The following OR14A2 variants were observed in gnomAD, a reference collection of about 807,000 sequenced individuals.
OR14A2 encodes olfactory receptor 14A2.
For missense variants in OR14A2, 237 were observed against 152.9 expected, an observed-to-expected ratio of 1.55 and a Z score of -2.90; for synonymous variants, 114 against 58.6, an observed-to-expected ratio of 1.95 and a Z score of -4.32.
the OR14A2 span, among the ~76,000 whole-genome samples, chr1:247,736,850 A>G: frequency 1.7e-4 from 26 of 152,322 alleles, no homozygotes; most frequent in East Asian, 3.3e-3. Flanking sequence ...CAGGCTCTCC[A>G]TTATTGCTCT....
At chr1:247,744,730 A>G in the OR14A2 span, among the ~76,000 whole-genome samples, 1 of 152,170 alleles carries the variant, frequency 6.6e-6, no homozygotes. The surrounding 1 kb of genome is among the most constrained non-coding windows in gnomAD (Gnocchi z 4.3). Flanking sequence ...TAAGGGGTAT[A>G]CATGCAGTTC....
the OR14A2 span, among the ~76,000 whole-genome samples, chr1:247,737,549 G>A: frequency 6.6e-6 from 1 of 151,974 alleles, no homozygotes; most frequent in Non-Finnish European, 1.5e-5. Flanking sequence ...TGACCTGCTG[G>A]GGAGAATAAA....
the OR14A2 span, among the ~76,000 whole-genome samples, chr1:247,731,138 C>T: frequency 1.3e-5 from 2 of 151,904 alleles, no homozygotes; most frequent in African/African-American, 4.8e-5. Flanking sequence ...TTCTTACAGG[C>T]AGTTTTGCTG....
At chr1:247,739,575 G>A in the OR14A2 span, 1 of 755,924 alleles carries the variant, frequency 1.3e-6, no homozygotes, top group Non-Finnish European at 2.5e-6. Context: ...GTTGAAGATG[G>A]GAAGTAACTT....
chr1:247,724,054 C>A, upstream of OR14A2: 2 of 680,978 alleles, frequency 2.9e-6, no homozygotes, highest in South Asian at 3.3e-5. Flanking sequence ...ACTAGATTCT[C>A]TTCAGTGCCT....
the OR14A2 span, among the ~76,000 whole-genome samples, chr1:247,735,233 G>A: frequency 4.5e-4 from 69 of 152,316 alleles, no homozygotes; most frequent in African/African-American, 1.6e-3. Context: ...CAAGGGAAGT[G>A]TGATGGCTCA....
At chr1:247,739,397 G>A in the OR14A2 span, 2 of 780,758 alleles carry the variant, frequency 2.6e-6, no homozygotes, top group East Asian at 2.4e-5. Context: ...TAAAGCCAGG[G>A]TCTGATGCAC....
At chr1:247,737,131 C>T in the OR14A2 span, among the ~76,000 whole-genome samples, 2 of 152,024 alleles carry the variant, frequency 1.3e-5, no homozygotes, top group Non-Finnish European at 2.9e-5. Flanking sequence ...TAATTTAGTT[C>T]TCAGAAAATC....
At chr1:247,723,049 A>G, downstream of OR14A2, 2 of 626,602 alleles carry the variant, frequency 3.2e-6, no homozygotes, top group South Asian at 3.9e-5. Flanking sequence ...AAATAAGGAA[A>G]GTTTCTTGTG....
chr1:247,740,461 G>A, the OR14A2 span, among the ~76,000 whole-genome samples: 1 of 152,170 alleles, frequency 6.6e-6, no homozygotes, highest in Non-Finnish European at 1.5e-5. Flanking sequence ...ACTTAGGAAG[G>A]TGATTTTCTC....
chr1:247,739,396 G>T, the OR14A2 span: 7 of 780,556 alleles, frequency 9.0e-6, no homozygotes, highest in Non-Finnish European at 1.7e-5. Context: ...TTAAAGCCAG[G>T]GTCTGATGCA....
chr1:247,728,225 A>G (rs1660430203), upstream of OR14A2, among the ~76,000 whole-genome samples: 2 of 152,224 alleles, frequency 1.3e-5, no homozygotes, highest in South Asian at 2.1e-4. Flanking sequence ...CTTATCCACT[A>G]TGATCAAGTG....
the OR14A2 span, among the ~76,000 whole-genome samples, chr1:247,729,353 C>T: frequency 6.6e-6 from 1 of 152,010 alleles, no homozygotes; most frequent in Non-Finnish European, 1.5e-5. Context: ...CAAGTATTCC[C>T]TTAATTCTAC....
At chr1:247,741,960 A>G in the OR14A2 span, among the ~76,000 whole-genome samples, 1 of 152,176 alleles carries the variant, frequency 6.6e-6, no homozygotes, top group African/African-American at 2.4e-5. Context: ...TGTTTTCCAA[A>G]ATTTTACCTT....
chr1:247,733,922 C>T, the OR14A2 span, among the ~76,000 whole-genome samples: 1 of 152,132 alleles, frequency 6.6e-6, no homozygotes, highest in Non-Finnish European at 1.5e-5. Context: ...ATCTACAAAA[C>T]AGCTACCAGA....
chr1:247,739,866 C>T, the OR14A2 span, among the ~76,000 whole-genome samples: 2 of 151,972 alleles, frequency 1.3e-5, no homozygotes, highest in South Asian at 2.1e-4. Flanking sequence ...TATGCAACCA[C>T]GCCCAGCTAT....
chr1:247,742,375 C>G, the OR14A2 span, among the ~76,000 whole-genome samples: 4 of 148,644 alleles, frequency 2.7e-5, no homozygotes, highest in South Asian at 8.6e-4. Flanking sequence ...TACACGCACA[C>G]ACACACACCA....
chr1:247,732,296 C>T, the OR14A2 span, among the ~76,000 whole-genome samples: 2 of 152,112 alleles, frequency 1.3e-5, no homozygotes, highest in Non-Finnish European at 2.9e-5. Flanking sequence ...ATCGTAAGCT[C>T]ACCACTGTTG....
chr1:247,723,251 G>C (rs560055212), exon 1 of OR14A2: 1 of 716,644 alleles, frequency 1.4e-6, no homozygotes, highest in East Asian at 2.7e-5. Context: ...ATAACAGATG[G>C]TGAATTTGAA....
Sources: allele counts gnomAD v4.1 joint callset (sites outside exome capture counted in the v4.1 genomes callset), GRCh38; gene constraint gnomAD v4.1.1; non-coding constraint Gnocchi (gnomAD v3.1); transcripts MANE v1.5; gene names NCBI Gene and HGNC (gene_info 2026-07-23, HGNC 2026-07-21).